Variants in XRCC4 observed in about 807,000 individuals in gnomAD.
The protein encoded by XRCC4 is DNA repair protein XRCC4.
In XRCC4, 28 loss-of-function variants were observed where a neutral mutation model predicts 39.1. The ratio of observed to expected loss-of-function variants is 0.72; its 90% CI spans 0.53 to 0.98. XRCC4 has a LOEUF of 0.98. XRCC4 is among the 50% of genes least tolerant of loss of function. XRCC4 has a pLI of 0.00. For missense variants in XRCC4, 350 were observed against 376.4 expected (o/e 0.93, Z 0.58); for synonymous variants, 123 against 126.4 (o/e 0.97, Z 0.18).
At chr5:83,234,596 G>A (rs28678692) in intron 6 of XRCC4, among the ~76,000 whole-genome samples, 9,997 of 152,056 alleles carry the variant, frequency 0.066, 436 homozygotes, top group South Asian at 0.17. Context: ...TATAGTATTC[G>A]ATAATTCTGC....
chr5:83,194,634 T>C (rs998464344), intron 3 of XRCC4, among the ~76,000 whole-genome samples: 11 of 152,156 alleles, frequency 7.2e-5, no homozygotes, highest in Non-Finnish European at 1.6e-4. Context: ...AAATTCACAA[T>C]CTAGGAGGCA....
At chr5:83,314,446 A>G (rs1755811419) in intron 7 of XRCC4, among the ~76,000 whole-genome samples, 2 of 152,172 alleles carry the variant, frequency 1.3e-5, no homozygotes, top group Non-Finnish European at 2.9e-5. Flanking sequence ...TGTAAATGAT[A>G]TACATGATAA....
chr5:83,276,516 G>A (rs1198921730), intron 7 of XRCC4, among the ~76,000 whole-genome samples: 1 of 140,660 alleles, frequency 7.1e-6, no homozygotes, highest in African/African-American at 2.5e-5. Flanking sequence ...AAGAAGAAGT[G>A]GAAGAAGAGA....
rs960302352 is a variant in XRCC4 at position 83,343,917 on chromosome 5, G to A, written c.894-9214G>A. 3.9e-5 allele frequency among the ~76,000 whole-genome samples: 6 copies of A among 152,078 alleles called. No homozygotes were observed. The East Asian group carries it at 5.8e-4, about 15-fold the overall frequency. On this transcript the variant is annotated intron_variant, in intron 7 of 7. Coordinates refer to ENST00000396027, the MANE Select transcript of XRCC4 (RefSeq NM_003401.5). The stretch of plus-strand genomic sequence containing the variant: ...ATCCTTCAGGCACTCAGACTTACCC[G>A]TTATGTCTGAAACTGAAGTCTTTAT...
At chr5:83,253,108 A>G (rs549339161) in intron 6 of XRCC4, among the ~76,000 whole-genome samples, 57 of 152,340 alleles carry the variant, frequency 3.7e-4, no homozygotes, top group African/African-American at 1.3e-3. Context: ...TGCTAGAAGG[A>G]GGCACATAGA....
chr5:83,189,791 T>C (rs547857571), intron 3 of XRCC4, among the ~76,000 whole-genome samples: 1 of 152,234 alleles, frequency 6.6e-6, no homozygotes, highest in South Asian at 2.1e-4. Flanking sequence ...CAGGCCAGAC[T>C]CAGTGGCTTA....
At chr5:83,373,551 C>T in the XRCC4 span, among the ~76,000 whole-genome samples, 2 of 152,114 alleles carry the variant, frequency 1.3e-5, no homozygotes, top group South Asian at 4.1e-4. Flanking sequence ...TGAGACAGCA[C>T]AAAAGATGGC....
chr5:83,280,549 T>C (rs1754501561), intron 7 of XRCC4: 3 of 561,330 alleles, frequency 5.3e-6, no homozygotes, highest in Non-Finnish European at 9.6e-6. Flanking sequence ...CACAGGCCCC[T>C]GCACTGGAGC....
At chr5:83,348,119 G>T (rs998637084) in intron 7 of XRCC4, among the ~76,000 whole-genome samples, 7 of 152,172 alleles carry the variant, frequency 4.6e-5, no homozygotes, top group African/African-American at 1.4e-4. Flanking sequence ...TGCTTTCATA[G>T]GCTGGTATTG....
intron 3 of XRCC4, among the ~76,000 whole-genome samples, chr5:83,125,953 A>C (rs1747239277): frequency 6.9e-6 from 1 of 145,902 alleles, no homozygotes; most frequent in Admixed American, 7.1e-5. Context: ...ATTGCACTCT[A>C]GCCTGGGCAA....
At chr5:83,271,444 T>A (rs1047987233) in intron 7 of XRCC4, among the ~76,000 whole-genome samples, 1 of 152,200 alleles carries the variant, frequency 6.6e-6, no homozygotes, top group African/African-American at 2.4e-5. Context: ...CACAAAAGTA[T>A]TGTTATAATA....
intron 6 of XRCC4, among the ~76,000 whole-genome samples, chr5:83,229,933 T>C (rs1561419331): frequency 6.6e-6 from 1 of 152,132 alleles, no homozygotes; most frequent in East Asian, 1.9e-4. Context: ...TTTTACTTTT[T>C]AATTTGTGCT....
chr5:83,309,714 G>A (rs187405068), intron 7 of XRCC4, among the ~76,000 whole-genome samples: 2 of 137,140 alleles, frequency 1.5e-5, no homozygotes, highest in African/African-American at 5.6e-5. Flanking sequence ...CAGTGATCGC[G>A]CCACTGCACT....
intron 3 of XRCC4, among the ~76,000 whole-genome samples, chr5:83,175,809 G>A (rs575654550): frequency 2.0e-5 from 3 of 152,126 alleles, no homozygotes; most frequent in South Asian, 2.1e-4. Flanking sequence ...GTGTTTTGCC[G>A]TGTTGGCCAG....
At chr5:83,193,614 T>C (rs1183208089) in intron 3 of XRCC4, among the ~76,000 whole-genome samples, 1 of 152,226 alleles carries the variant, frequency 6.6e-6, no homozygotes, top group African/African-American at 2.4e-5. Flanking sequence ...TGTAGAGGGC[T>C]GGACTTGTTT....
At chr5:83,113,280 A>T (rs1746536208) in intron 3 of XRCC4, among the ~76,000 whole-genome samples, 1 of 152,184 alleles carries the variant, frequency 6.6e-6, no homozygotes, top group Non-Finnish European at 1.5e-5. Context: ...TCCATATCTC[A>T]CATCCAGGTG....
intron 7 of XRCC4, among the ~76,000 whole-genome samples, chr5:83,344,654 T>A (rs1477529173): frequency 6.6e-6 from 1 of 152,138 alleles, no homozygotes; most frequent in Non-Finnish European, 1.5e-5. Context: ...TCCCCTATTT[T>A]CCTTTGGAGA....
intron 6 of XRCC4, among the ~76,000 whole-genome samples, chr5:83,239,892 G>A (rs543209613): frequency 2.0e-5 from 3 of 151,214 alleles, no homozygotes; most frequent in East Asian, 3.9e-4. Context: ...GTGTGGTGAC[G>A]CATACCTATA....
intron 6 of XRCC4, among the ~76,000 whole-genome samples, chr5:83,237,811 GCT>G (rs1005804790): frequency 5.9e-5 from 9 of 151,890 alleles, no homozygotes; most frequent in African/African-American, 2.2e-4. Flanking sequence ...TACATTGTGT[GCT>G]CTTTTTTTTA....
Sources: gnomAD v4.1 joint callset for allele counts (sites outside exome capture counted in the v4.1 genomes callset) on GRCh38, gnomAD v4.1.1 for gene constraint, MANE v1.5 for transcripts, NCBI Gene and HGNC (gene_info 2026-07-23, HGNC 2026-07-21) for gene names.